Variants in CDK8 observed in about 807,000 individuals in gnomAD.
The protein encoded by CDK8 is cyclin dependent kinase 8, also known as cyclin-dependent kinase 8.
In CDK8, 29 loss-of-function variants were observed where a neutral mutation model predicts 71.5. The observed-to-expected ratio is 0.41, with a 90% CI of 0.30 to 0.55. The LOEUF (loss-of-function observed/expected upper bound fraction) is 0.55. CDK8 is among the 20% of genes least tolerant of loss of function. The probability of loss-of-function intolerance (pLI) is 0.37; values close to 1 mark genes in which losing one functional copy is unlikely to be tolerated. For synonymous variants in CDK8, 161 were observed against 192.1 expected (o/e 0.84, Z 1.34); for missense variants, 288 against 572.6 (o/e 0.50, Z 5.07).
intron 1 of CDK8, among the ~76,000 whole-genome samples, chr13:26,286,086 A>T (rs1088181): frequency 0.83 from 126,273 of 152,140 alleles, 54,073 homozygotes; most frequent in East Asian, 1. Context: ...CCATACTGCC[A>T]AAAGCAATCT....
At chr13:26,342,813 C>T (rs1401683167) in intron 2 of CDK8, among the ~76,000 whole-genome samples, 1 of 152,158 alleles carries the variant, frequency 6.6e-6, no homozygotes, top group African/African-American at 2.4e-5. Context: ...TTTAGTTGCC[C>T]TAACAAAATA....
chr13:26,332,886 T>C (rs1054627371), intron 1 of CDK8, among the ~76,000 whole-genome samples: 1 of 152,200 alleles, frequency 6.6e-6, no homozygotes, highest in Admixed American at 6.5e-5. Flanking sequence ...CTTTCTCTAG[T>C]GCTTAGAACA....
At chr13:26,323,506 G>T (rs1284226110) in intron 1 of CDK8, among the ~76,000 whole-genome samples, 1 of 152,064 alleles carries the variant, frequency 6.6e-6, no homozygotes, top group African/African-American at 2.4e-5. Context: ...CACATTGTGG[G>T]TTAGTGCTTC....
At chr13:26,348,491 G>T (rs1157799953) in intron 2 of CDK8, among the ~76,000 whole-genome samples, 1 of 152,112 alleles carries the variant, frequency 6.6e-6, no homozygotes, top group Non-Finnish European at 1.5e-5. Flanking sequence ...CTCCTTATGA[G>T]AATCTAATGC....
At chr13:26,309,061 G>A (rs1224641873) in intron 1 of CDK8, among the ~76,000 whole-genome samples, 2 of 150,216 alleles carry the variant, frequency 1.3e-5, no homozygotes, top group Non-Finnish European at 2.9e-5. Context: ...CTGTACTTAC[G>A]ACAGTGCTAG....
intron 2 of CDK8, among the ~76,000 whole-genome samples, chr13:26,338,981 A>AG (rs748726611): frequency 1.3e-4 from 2 of 15,950 alleles, no homozygotes; most frequent in Admixed American, 8.8e-4. Flanking sequence ...GTTTTTTATT[A>AG]GAAAAAAACT....
At chr13:26,272,224 G>A (rs1414307354) in intron 1 of CDK8, among the ~76,000 whole-genome samples, 3 of 151,864 alleles carry the variant, frequency 2.0e-5, no homozygotes, top group African/African-American at 7.3e-5. Flanking sequence ...GGGCGTAGTG[G>A]GTCACACCTG....
chr13:26,302,411 T>A (rs1165162739), intron 1 of CDK8, among the ~76,000 whole-genome samples: 1 of 152,204 alleles, frequency 6.6e-6, no homozygotes, highest in Non-Finnish European at 1.5e-5. Context: ...TCTGGGAGCC[T>A]GGGATTATAT....
intron 2 of CDK8, among the ~76,000 whole-genome samples, chr13:26,348,322 G>T (rs149307596): frequency 6.6e-6 from 1 of 152,058 alleles, no homozygotes; most frequent in African/African-American, 2.4e-5. Context: ...CGTCAGCACC[G>T]GTACGTTAGG....
chr13:26,350,684 C>T (rs1203990223), intron 3 of CDK8, among the ~76,000 whole-genome samples: 2 of 152,096 alleles, frequency 1.3e-5, no homozygotes, highest in African/African-American at 2.4e-5. Flanking sequence ...CTGCCCACCT[C>T]GGCCTCCCAA....
At chr13:26,304,458 C>G (rs1433621901) in intron 1 of CDK8, among the ~76,000 whole-genome samples, 2 of 151,516 alleles carry the variant, frequency 1.3e-5, no homozygotes, top group African/African-American at 4.8e-5. Context: ...GTGTATTATT[C>G]TATCTTCCTC....
chr13:26,320,573 C>G (rs1273539067), intron 1 of CDK8, among the ~76,000 whole-genome samples: 1 of 152,188 alleles, frequency 6.6e-6, no homozygotes, highest in Middle Eastern at 3.4e-3. Context: ...AAGACACTAT[C>G]AACACAGTAA....
intron 1 of CDK8, among the ~76,000 whole-genome samples, chr13:26,323,712 G>C (rs1874896637): frequency 6.6e-6 from 1 of 152,048 alleles, no homozygotes; most frequent in Middle Eastern, 3.2e-3. Context: ...AAGGAATTCT[G>C]TAGTGTAAAT....
intron 9 of CDK8, among the ~76,000 whole-genome samples, chr13:26,399,021 T>C (rs1876127074): frequency 6.6e-6 from 1 of 151,982 alleles, no homozygotes; most frequent in South Asian, 2.1e-4. Context: ...TTTAAGTCTT[T>C]TTTGTTGGAG....
Position 26,404,984 on chromosome 13 carries a change from G to A in CDK8, c.*903G>A, listed in dbSNP as rs956838417. ...CGTCCTGATTTTAAAGCTGGTTGGTGTAGTGCTATTAAAATTTCGTTCAGT... is the reference window on the plus strand; with the variant it reads ...CGTCCTGATTTTAAAGCTGGTTGGTATAGTGCTATTAAAATTTCGTTCAGT... On this transcript the variant is annotated 3_prime_UTR_variant, in exon 13 of 13. Transcript: ENST00000381527. The A allele has an allele frequency of 5.1e-6, 1 of 196,372 alleles. No individual in the cohort carries two copies. The highest frequency in any genetic ancestry group is 2.3e-5 in the African/African-American group (1 of 43,246). The allele number at this position is 196,372 out of a possible 1,614,324, so 12.2% of individuals were successfully genotyped here.
intron 1 of CDK8, among the ~76,000 whole-genome samples, chr13:26,256,055 C>A (rs1440303333): frequency 4.6e-5 from 7 of 152,220 alleles, no homozygotes; most frequent in South Asian, 2.1e-4. Flanking sequence ...GATAGGAGTT[C>A]TAATTAATTT....
intron 1 of CDK8, among the ~76,000 whole-genome samples, chr13:26,301,981 G>A (rs1873842507): frequency 6.6e-6 from 1 of 152,156 alleles, no homozygotes; most frequent in South Asian, 2.1e-4. Flanking sequence ...CTCTATTTCT[G>A]ACTTAAAATG....
In CDK8 at chr13:26,327,405, G is replaced by A. The variant is rs139461496; in HGVS notation, c.129-10162G>A. On this transcript the variant is annotated intron_variant, in intron 1 of 12. Coordinates refer to ENST00000381527, the MANE Select transcript of CDK8 (RefSeq NM_001260.3). ...CAGAAAATTTAAGGATGTTTTAGGC[G>A]TAAAATACGTTTTATTAGCTTTGTT... Among the ~76,000 whole-genome samples the A allele has an allele frequency of 1.2e-3, 184 of 152,188 alleles. 1 individual carries two copies. Among genetic ancestry groups the A allele is most frequent in the African/African-American group, 3.9e-3 (163 of 41,500 alleles).
chr13:26,299,676 T>G (rs374239972), intron 1 of CDK8, among the ~76,000 whole-genome samples: 1 of 152,174 alleles, frequency 6.6e-6, no homozygotes, highest in African/African-American at 2.4e-5. Context: ...ATCTGTTCCA[T>G]CAAAGTCGGC....
Sources: allele counts gnomAD v4.1 joint callset (sites outside exome capture counted in the v4.1 genomes callset), GRCh38; gene constraint gnomAD v4.1.1; transcripts MANE v1.5; gene names NCBI Gene and HGNC (gene_info 2026-07-23, HGNC 2026-07-21).